EPM2A: variants seen among roughly 807,000 people sequenced by gnomAD.
EPM2A encodes the protein EPM2A glucan phosphatase, laforin.
A neutral mutation model predicts 26.5 loss-of-function variants in EPM2A; 21 were observed. That is an observed-to-expected ratio of 0.79 (90% CI 0.56 to 1.14). EPM2A has a LOEUF of 1.14. Among genes scored for constraint, EPM2A ranks in the 50% most tolerant of loss-of-function variants. The probability of loss-of-function intolerance (pLI) is 0.00; values close to 1 mark genes in which losing one functional copy is unlikely to be tolerated. For synonymous variants in EPM2A, 217 were observed against 177.6 expected (o/e 1.22, Z -1.76); for missense variants, 458 against 440.8 (o/e 1.04, Z -0.35).
intron 2 of EPM2A, among the ~76,000 whole-genome samples, chr6:145,611,276 A>G (rs1368026429): frequency 6.6e-6 from 1 of 152,094 alleles, no homozygotes; most frequent in Non-Finnish European, 1.5e-5. Flanking sequence ...TATATCACTT[A>G]TTATTTTGCA....
At chr6:145,502,673 A>G (rs1401696958) in intron 2 of EPM2A, 3 of 445,644 alleles carry the variant, frequency 6.7e-6, no homozygotes, top group Non-Finnish European at 1.4e-5. Flanking sequence ...ACACCTTGAA[A>G]ATAAACAGTG....
intron 2 of EPM2A, among the ~76,000 whole-genome samples, chr6:145,616,266 C>CAGAGCG (rs1775510224): frequency 6.6e-6 from 1 of 152,360 alleles, no homozygotes; most frequent in East Asian, 1.9e-4. Context: ...GCCATGGCTT[C>CAGAGCG]AGAGCGAGCA....
rs1780272755 is a variant in EPM2A, at chr6:145,526,319, A to T, written c.341-23744T>A. Among the ~76,000 whole-genome samples the T allele has an allele frequency of 3.3e-5, 5 of 152,122 alleles. No homozygotes were observed. In the South Asian group the frequency reaches 1.0e-3, roughly 32 times the overall value. ...GGCTCCATACAGTAAGTTGCAGAAA[A>T]GTCTTTTCTCCTCAGTTTTTTGGAA... On this transcript the variant is annotated intron_variant, in intron 2 of 3. Coordinates refer to the EPM2A transcript ENST00000450221.
intron 2 of EPM2A, among the ~76,000 whole-genome samples, chr6:145,614,740 G>C (rs1376756464): frequency 1.3e-5 from 2 of 152,156 alleles, no homozygotes; most frequent in Non-Finnish European, 2.9e-5. Flanking sequence ...TCTTATACAG[G>C]CACAGTTCAT....
intron 2 of EPM2A, among the ~76,000 whole-genome samples, chr6:145,676,295 A>G (rs1780032697): frequency 6.6e-6 from 1 of 152,236 alleles, no homozygotes; most frequent in African/African-American, 2.4e-5. Context: ...AGGGAAATTT[A>G]TAGCACTAAA....
Position 145,635,270 on chromosome 6 carries a change from C to A in EPM2A, c.693G>T (p.Met231Ile). ...CTTCGGTGCTCATATCTGGTGTTGG[C>A]ATCCAGATGTAGGCCAAGCCTTCTT... Reference protein sequence around the residue: ...YREEGLAYIWMPTPDMSTEGR... With the variant: ...YREEGLAYIWIPTPDMSTEGR... The change falls in exon 3 of 4, where the codon ATG becomes ATT. Residue 231 changes from methionine to isoleucine, a missense_variant. Coordinates refer to ENST00000367519, the MANE Select transcript of EPM2A (RefSeq NM_005670.4). 6.2e-7 allele frequency: 1 copy of A among 1,614,064 alleles called. No homozygotes were observed. Among genetic ancestry groups the A allele is most frequent in the Non-Finnish European group, 8.5e-7 (1 of 1,179,930 alleles).
At chr6:145,606,163 GA>G (rs1377865552) in intron 2 of EPM2A, among the ~76,000 whole-genome samples, 1 of 151,372 alleles carries the variant, frequency 6.6e-6, no homozygotes, top group Non-Finnish European at 1.5e-5. Context: ...CCACATGAAG[GA>G]AAAAAAACAC....
chr6:145,612,989 T>C (rs747571199), intron 2 of EPM2A, among the ~76,000 whole-genome samples: 2 of 152,064 alleles, frequency 1.3e-5, no homozygotes, highest in Non-Finnish European at 2.9e-5. Context: ...GCCATATCCA[T>C]TGACTCTTCC....
chr6:145,716,440 T>C (rs1482311859), intron 1 of EPM2A, among the ~76,000 whole-genome samples: 19 of 152,068 alleles, frequency 1.2e-4, no homozygotes, highest in Non-Finnish European at 1.6e-4. Flanking sequence ...GCCTAGAAAA[T>C]TTACTAGAAA....
intron 2 of EPM2A, among the ~76,000 whole-genome samples, chr6:145,660,551 C>T (rs1778616029): frequency 6.6e-6 from 1 of 152,202 alleles, no homozygotes; most frequent in African/African-American, 2.4e-5. Context: ...CCTGTAGTCC[C>T]AGCACTTTGA....
Position 145,522,848 on chromosome 6 carries a change from T to TC in EPM2A, c.341-20274_341-20273insG, listed in dbSNP as rs201011033. On this transcript the variant is annotated intron_variant, in intron 2 of 3. Coordinates refer to the EPM2A transcript ENST00000450221. Reference sequence around the variant, plus strand: ...AAACTCCTCAAAGACACTCTCTTTTTTTATAACTCTTTATCTTTGCAAAGG... The same window carrying TC: ...AAACTCCTCAAAGACACTCTCTTTTTCTTATAACTCTTTATCTTTGCAAAGG... Among the ~76,000 whole-genome samples the TC allele has an allele frequency of 1.1e-3, 167 of 152,076 alleles. 4 individuals are homozygous for TC. The East Asian group carries it at 0.027, about 25-fold the overall frequency.
At chr6:145,685,428 G>C (rs1780835048) in intron 2 of EPM2A, among the ~76,000 whole-genome samples, 2 of 152,084 alleles carry the variant, frequency 1.3e-5, no homozygotes, top group Admixed American at 1.3e-4. Context: ...AAGTATGAGA[G>C]ATGTCAATTT....
intron 4 of EPM2A, among the ~76,000 whole-genome samples, chr6:145,464,867 T>G (rs894790916): frequency 7.9e-5 from 12 of 152,168 alleles, no homozygotes; most frequent in Non-Finnish European, 1.6e-4. Context: ...TGGGCTTCCC[T>G]TTGAGGGTAA....
At chr6:145,419,179 G>GC (rs1266559813) in intron 4 of EPM2A, among the ~76,000 whole-genome samples, 2,210 of 136,044 alleles carry the variant, frequency 0.016, 130 homozygotes, top group Non-Finnish European at 0.025. Flanking sequence ...TCTGTTAAAT[G>GC]TCCCCCCCCC....
chr6:145,567,246 G>A (rs1167269716), intron 2 of EPM2A, among the ~76,000 whole-genome samples: 1 of 152,098 alleles, frequency 6.6e-6, no homozygotes, highest in East Asian at 1.9e-4. Context: ...AGTTCTTTTG[G>A]AAAGTTCTTC....
At chr6:145,697,298 G>A (rs1383327377) in intron 1 of EPM2A, among the ~76,000 whole-genome samples, 1 of 152,006 alleles carries the variant, frequency 6.6e-6, no homozygotes, top group Admixed American at 6.6e-5. Flanking sequence ...AAAAGGGGAG[G>A]GAGTGTACCA....
intron 2 of EPM2A, among the ~76,000 whole-genome samples, chr6:145,611,372 ACAAGACTCCTTTGCCT>A (rs1775388341): frequency 6.6e-6 from 1 of 151,954 alleles, no homozygotes; most frequent in African/African-American, 2.4e-5. Context: ...GTAATTATAT[ACAAGACTCCTTTGCCT>A]AGTTGGTTTC....
chr6:145,438,916 G>GTT (rs34208598), intron 4 of EPM2A, among the ~76,000 whole-genome samples: 12 of 151,878 alleles, frequency 7.9e-5, no homozygotes, highest in South Asian at 2.1e-4. Flanking sequence ...GTACCCAATA[G>GTT]TTTTTTTCTT....
chr6:145,468,497 A>T (rs1270687427), intron 4 of EPM2A, among the ~76,000 whole-genome samples: 1 of 152,146 alleles, frequency 6.6e-6, no homozygotes, highest in African/African-American at 2.4e-5. Context: ...GATATATAAC[A>T]AATATCTAAA....
Sources: allele counts gnomAD v4.1 joint callset (sites outside exome capture counted in the v4.1 genomes callset), GRCh38; gene constraint gnomAD v4.1.1; transcripts MANE v1.5; gene names NCBI Gene and HGNC (gene_info 2026-07-23, HGNC 2026-07-21).